The following PRRC2B variants were observed in gnomAD, a reference collection of about 807,000 sequenced individuals.
PRRC2B encodes the protein proline rich coiled-coil 2B.
Under a neutral mutation model 242.3 loss-of-function variants are expected in PRRC2B, and 68 were observed. The observed-to-expected ratio is 0.28, with a 90% CI of 0.23 to 0.34. The LOEUF (loss-of-function observed/expected upper bound fraction) is 0.34. Among genes scored for constraint, PRRC2B ranks in the 10% least tolerant of loss-of-function variants. PRRC2B has a pLI of 1.00. For synonymous variants in PRRC2B, 1,228 were observed against 1,173.6 expected (o/e 1.05, Z -0.95); for missense variants, 2,835 against 2,954.8 (o/e 0.96, Z 0.94).
At chr9:131,388,125 T>C (rs767784493) in intron 1 of PRRC2B, among the ~76,000 whole-genome samples, 6 of 149,198 alleles carry the variant, frequency 4.0e-5, no homozygotes, top group Non-Finnish European at 6.0e-5. Flanking sequence ...GGGGCCGAGG[T>C]TGCAGTGAGC....
intron 11 of PRRC2B, among the ~76,000 whole-genome samples, chr9:131,464,412 G>A (rs1394545997): frequency 1.3e-5 from 2 of 152,134 alleles, no homozygotes; most frequent in Non-Finnish European, 2.9e-5. Flanking sequence ...TAGCCTTGGA[G>A]GCCCTTAGCT....
Position 131,475,417 on chromosome 9 carries a change from C to T in PRRC2B, c.3288C>T (p.Ala1096=). 1.3e-6 allele frequency: 2 copies of T among 1,577,304 alleles called. No individual in the cohort carries two copies. The highest frequency in any genetic ancestry group is 1.7e-6 in the Non-Finnish European group (2 of 1,162,986). The change falls in exon 16 of 32, where the codon GCC becomes GCT. Residue 1096 remains alanine, a synonymous_variant. Coordinates refer to ENST00000683519, the MANE Select transcript of PRRC2B (RefSeq NM_013318.4). ...SGLCGGGVLG[A]RSIYCSSQRS... ...TCTGTGGTGGGGGGGTCCTGGGGGCCCGCAGCATCTACTGCAGCAGTCAGC... is the reference window on the plus strand; with the variant it reads ...TCTGTGGTGGGGGGGTCCTGGGGGCTCGCAGCATCTACTGCAGCAGTCAGC...
In PRRC2B at chr9:131,474,687, C is replaced by T. The variant is rs762542846; in HGVS notation, c.2558C>T (p.Ser853Phe). ...PGGHTQNLRC[S>F]PLEPDFVPDE... is the part of the protein sequence containing the mutation. ...GGTCACACCCAAAACCTCAGGTGTT[C>T]CCCATTGGAGCCTGACTTTGTCCCA... Residue 853 changes from serine to phenylalanine, a missense_variant, in exon 16 of 32, where the codon TCC (serine) becomes TTC (phenylalanine). Transcript: ENST00000683519. 4 of 1,613,114 alleles carry T rather than the reference C, an allele frequency of 2.5e-6. No individual in the cohort carries two copies. In the South Asian group the frequency reaches 3.3e-5, roughly 13 times the overall value.
rs1283722078 is a variant in PRRC2B at position 131,476,037 on chromosome 9, G to GC, written c.3914dup (p.Arg1306ThrfsTer4). ...GAGAACCGGCCCTTCAGGAGAAGGC[G>GC]CCCCCCACGCCAAGATAAGCCCCCT... On this transcript the variant is annotated frameshift_variant, in exon 16 of 32. Coordinates refer to ENST00000683519, the MANE Select transcript of PRRC2B (RefSeq NM_013318.4). LOFTEE classifies it high-confidence loss of function. The GC allele has an allele frequency of 6.2e-7, 1 of 1,605,126 alleles. No homozygotes were observed. The highest frequency in any genetic ancestry group is 8.5e-7 in the Non-Finnish European group (1 of 1,174,188).
intron 1 of PRRC2B, among the ~76,000 whole-genome samples, chr9:131,398,676 C>T (rs950989799): frequency 6.6e-6 from 1 of 152,146 alleles, no homozygotes; most frequent in African/African-American, 2.4e-5. Context: ...GTACAAGGCC[C>T]TTTAAATACA....
chr9:131,485,778 G>A (rs779587901), intron 25 of PRRC2B: 1 of 646,228 alleles, frequency 1.5e-6, no homozygotes, highest in Non-Finnish European at 2.9e-6. Flanking sequence ...AAAGTAGAAT[G>A]CCCCTTCGAG....
intron 1 of PRRC2B, among the ~76,000 whole-genome samples, chr9:131,428,648 C>T (rs1384779521): frequency 5.9e-5 from 9 of 152,044 alleles, no homozygotes; most frequent in Non-Finnish European, 1.2e-4. Flanking sequence ...CTGCCCACCT[C>T]AGCCTCCCAA....
At chr9:131,481,578 C>G (rs1943868846) in intron 19 of PRRC2B, 148 bp from the exon 20 acceptor site, 3 of 657,592 alleles carry the variant, frequency 4.6e-6, no homozygotes, top group Non-Finnish European at 8.1e-6. Context: ...CACTGGGTGT[C>G]ACGGGTAGGG....
At chr9:131,433,089 C>T (rs150090500) in intron 3 of PRRC2B, among the ~76,000 whole-genome samples, 23 of 152,330 alleles carry the variant, frequency 1.5e-4, no homozygotes, top group African/African-American at 5.1e-4. Flanking sequence ...TTAGGAAAGG[C>T]CTCATCACCC....
At chr9:131,414,274 G>C (rs1459509890) in intron 1 of PRRC2B, among the ~76,000 whole-genome samples, 1 of 150,876 alleles carries the variant, frequency 6.6e-6, no homozygotes, top group African/African-American at 2.4e-5. Flanking sequence ...GTAGATCATA[G>C]ATGTAAACAT....
At chr9:131,470,704 G>T in intron 13 of PRRC2B, 84 bp from the exon 14 acceptor site, 1 of 1,171,700 alleles carries the variant, frequency 8.5e-7, no homozygotes, top group Non-Finnish European at 1.2e-6. Flanking sequence ...GCTGCCAGCT[G>T]GAAAGCTGGA....
chr9:131,478,140 A>G (rs923935735), intron 17 of PRRC2B, among the ~76,000 whole-genome samples, 191 bp downstream of exon 17: 14 of 152,146 alleles, frequency 9.2e-5, no homozygotes, highest in Admixed American at 3.9e-4. Context: ...TGTTGCTCAC[A>G]GCCCGTTGAA....
At chr9:131,395,655 C>A (rs888398510) in intron 1 of PRRC2B, among the ~76,000 whole-genome samples, 2 of 152,330 alleles carry the variant, frequency 1.3e-5, no homozygotes, top group South Asian at 2.1e-4. Context: ...AGACGTGAGC[C>A]CCTTGTGGTG....
Position 131,430,076 on chromosome 9 carries a change from TC to T in PRRC2B, c.-51-17del. The T allele has an allele frequency of 2.9e-5, 21 of 717,992 alleles. No homozygotes were observed. The highest frequency in any genetic ancestry group is 3.8e-5 in the South Asian group (2 of 52,930). The allele number at this position is 717,992 out of a possible 1,614,324, so 44.5% of individuals were successfully genotyped here. A position where few individuals can be genotyped will look rare whatever the true frequency, so the allele number is the denominator to read the frequency against. On this transcript the variant is annotated splice_polypyrimidine_tract_variant and intron_variant, in intron 1 of 31. Coordinates refer to ENST00000683519, the MANE Select transcript of PRRC2B (RefSeq NM_013318.4). ...TTTCTCTCTCTTTTTTTTTTTTTCT[TC>T]TCTATTTCAAAGGCAGATCGGGAGC... is the stretch of plus-strand genomic sequence containing the variant.
At chr9:131,417,251 C>T (rs182191297) in intron 1 of PRRC2B, among the ~76,000 whole-genome samples, 79 of 152,264 alleles carry the variant, frequency 5.2e-4, no homozygotes, top group African/African-American at 1.8e-3. Context: ...CTGTGAGGAG[C>T]AGCAGAAGTG....
intron 9 of PRRC2B, among the ~76,000 whole-genome samples, chr9:131,449,396 G>A (rs1942842685): frequency 6.6e-6 from 1 of 151,822 alleles, no homozygotes; most frequent in Non-Finnish European, 1.5e-5. Flanking sequence ...GTCTCACTTT[G>A]TTTCCTAGGT....
At chr9:131,416,412 T>C (rs1837654396) in intron 1 of PRRC2B, among the ~76,000 whole-genome samples, 1 of 152,174 alleles carries the variant, frequency 6.6e-6, no homozygotes, top group South Asian at 2.1e-4. Flanking sequence ...TGGCCTCTTC[T>C]ACCTCTTCTA....
upstream of PRRC2B, among the ~76,000 whole-genome samples, chr9:131,391,065 T>A (rs144361757): frequency 6.6e-6 from 1 of 151,862 alleles, no homozygotes. Flanking sequence ...GATTACAGGC[T>A]TGAGCCACTG....
intron 1 of PRRC2B, among the ~76,000 whole-genome samples, chr9:131,420,479 T>TCTTTC: frequency 4.4e-5 from 1 of 22,546 alleles, no homozygotes; most frequent in Non-Finnish European, 9.9e-5. Context: ...CTTTCTTTCT[T>TCTTTC]TCTTTCTTTC....
Sources: allele counts gnomAD v4.1 joint callset (sites outside exome capture counted in the v4.1 genomes callset), GRCh38; gene constraint gnomAD v4.1.1; transcripts MANE v1.5; gene names NCBI Gene and HGNC (gene_info 2026-07-23, HGNC 2026-07-21).